Variants in LIPC observed in about 807,000 individuals in gnomAD.
LIPC encodes the protein hepatic triacylglycerol lipase.
Under a neutral mutation model 50.7 loss-of-function variants are expected in LIPC, and 44 were observed. The ratio of observed to expected loss-of-function variants is 0.87; its 90% CI spans 0.68 to 1.11. LIPC has a LOEUF of 1.11. Among genes scored for constraint, LIPC ranks in the 50% most tolerant of loss-of-function variants. LIPC has a pLI of 0.00. For synonymous variants in LIPC, 271 were observed against 256.4 expected (o/e 1.06, Z -0.54); for missense variants, 697 against 648.2 (o/e 1.08, Z -0.82).
At chr15:58,558,537 A>G (rs1894039851) in intron 6 of LIPC, among the ~76,000 whole-genome samples, 1 of 152,202 alleles carries the variant, frequency 6.6e-6, no homozygotes, top group Non-Finnish European at 1.5e-5. Context: ...GCCAGAGGTG[A>G]GCAGTGGGCG....
chr15:58,529,747 G>A (rs527288685), intron 1 of LIPC, among the ~76,000 whole-genome samples: 1 of 152,322 alleles, frequency 6.6e-6, no homozygotes, highest in South Asian at 2.1e-4. Context: ...TGGCTTGAAT[G>A]TCAGGAGAGC....
intron 7 of LIPC, among the ~76,000 whole-genome samples, chr15:58,562,793 G>A (rs1894208337): frequency 7.0e-6 from 1 of 142,256 alleles, no homozygotes; most frequent in Non-Finnish European, 1.5e-5. Flanking sequence ...GCTATGCCAA[G>A]CCACACAAGG....
intron 4 of LIPC, among the ~76,000 whole-genome samples, chr15:58,543,452 A>T (rs1893409092): frequency 6.6e-6 from 1 of 152,010 alleles, no homozygotes; most frequent in Non-Finnish European, 1.5e-5. Context: ...CTTCACAAAC[A>T]CACCATGGCC....
intron 1 of LIPC, among the ~76,000 whole-genome samples, chr15:58,451,826 A>G (rs570611891): frequency 1.3e-5 from 2 of 152,282 alleles, no homozygotes; most frequent in South Asian, 4.1e-4. Flanking sequence ...CTGCTCACAC[A>G]GCTGTGGCTC....
chr15:58,531,628 A>AAC (rs1364456215), intron 1 of LIPC, among the ~76,000 whole-genome samples: 1 of 147,088 alleles, frequency 6.8e-6, no homozygotes, highest in African/African-American at 2.6e-5. Flanking sequence ...AATGGACTCA[A>AAC]AAAAAAAAAA....
intron 1 of LIPC, among the ~76,000 whole-genome samples, chr15:58,514,718 G>A (rs111491057): frequency 0.03 from 4,639 of 152,236 alleles, 105 homozygotes; most frequent in Non-Finnish European, 0.046. Flanking sequence ...CAGCTACTTC[G>A]GAGGCTGAGG....
intron 1 of LIPC, among the ~76,000 whole-genome samples, chr15:58,506,710 G>A (rs1566933061): frequency 6.6e-6 from 1 of 152,180 alleles, no homozygotes; most frequent in South Asian, 2.1e-4. Flanking sequence ...AGCTGGCTGT[G>A]TTCCCAACTC....
At chr15:58,432,595 A>T (rs1378147009) in intron 1 of LIPC, among the ~76,000 whole-genome samples, 1 of 152,218 alleles carries the variant, frequency 6.6e-6, no homozygotes, top group Non-Finnish European at 1.5e-5. Context: ...TAGAGATATC[A>T]TTGCACAATT....
chr15:58,472,576 CAA>C (rs34483233), intron 1 of LIPC, among the ~76,000 whole-genome samples: 39 of 122,580 alleles, frequency 3.2e-4, no homozygotes, highest in Admixed American at 6.6e-4. Context: ...ACTCTTGTCT[CAA>C]AAAAAAAAAA....
chr15:58,564,684 G>A (rs8043328), intron 8 of LIPC, among the ~76,000 whole-genome samples: 126 of 152,162 alleles, frequency 8.3e-4, no homozygotes, highest in African/African-American at 2.5e-3. Flanking sequence ...CCGAGATCGC[G>A]GCATTGCACT....
intron 1 of LIPC, among the ~76,000 whole-genome samples, chr15:58,509,782 T>C (rs1380710702): frequency 1.3e-5 from 2 of 152,162 alleles, no homozygotes; most frequent in Non-Finnish European, 2.9e-5. Flanking sequence ...AGTGATATCA[T>C]GTCTGCATTT....
chr15:58,488,290 C>G (rs1353180026), intron 1 of LIPC, among the ~76,000 whole-genome samples: 9 of 152,192 alleles, frequency 5.9e-5, no homozygotes, highest in African/African-American at 2.2e-4. Context: ...AGAAGTTAGA[C>G]TGCTCAATTC....
chr15:58,533,030 C>T (rs1893004252), intron 1 of LIPC: 1 of 319,280 alleles, frequency 3.1e-6, no homozygotes, highest in Non-Finnish European at 4.5e-6. Context: ...AGTCCATCAA[C>T]CCCTTTTCCT....
At chr15:58,451,326 T>A (rs1239053456) in intron 1 of LIPC, among the ~76,000 whole-genome samples, 1 of 152,192 alleles carries the variant, frequency 6.6e-6, no homozygotes, top group African/African-American at 2.4e-5. Context: ...CCAAATTAAC[T>A]TGTGGGGAAT....
chr15:58,519,190 C>T (rs578050426), intron 1 of LIPC, among the ~76,000 whole-genome samples: 2 of 152,074 alleles, frequency 1.3e-5, no homozygotes, highest in African/African-American at 4.8e-5. Flanking sequence ...AGGCAGATCA[C>T]GAGGTCAGGA....
At chr15:58,560,548 AC>A (rs1381896908) in intron 6 of LIPC, among the ~76,000 whole-genome samples, 1 of 152,238 alleles carries the variant, frequency 6.6e-6, no homozygotes, top group Admixed American at 6.5e-5. Context: ...ATGAAATATT[AC>A]AGCAGAACTT....
At chr15:58,495,739 T>A (rs1364921275) in intron 1 of LIPC, among the ~76,000 whole-genome samples, 1 of 152,188 alleles carries the variant, frequency 6.6e-6, no homozygotes. Flanking sequence ...GGGACTGGAT[T>A]TTCTTTCCCC....
chr15:58,439,862 AC>A (rs1893444530), intron 1 of LIPC, among the ~76,000 whole-genome samples: 1 of 152,044 alleles, frequency 6.6e-6, no homozygotes, highest in Non-Finnish European at 1.5e-5. Flanking sequence ...TGGTGTGGGG[AC>A]CACAGAGAAC....
intron 5 of LIPC, among the ~76,000 whole-genome samples, chr15:58,547,795 G>A (rs866079837): frequency 2.0e-4 from 30 of 152,036 alleles, no homozygotes; most frequent in African/African-American, 7.3e-4. Context: ...GCTGCTTTGG[G>A]ACACAAGGTA....
Sources: allele counts gnomAD v4.1 joint callset (sites outside exome capture counted in the v4.1 genomes callset), GRCh38; gene constraint gnomAD v4.1.1; transcripts MANE v1.5; gene names NCBI Gene and HGNC (gene_info 2026-07-23, HGNC 2026-07-21).